The following ADAM22 variants were observed in gnomAD, a reference collection of about 807,000 sequenced individuals.
ADAM22 encodes disintegrin and metalloproteinase domain-containing protein 22.
In ADAM22, 65 loss-of-function variants were observed where a neutral mutation model predicts 144.6. The observed-to-expected ratio is 0.45, with a 90% CI of 0.37 to 0.55. The LOEUF (loss-of-function observed/expected upper bound fraction) is 0.55, where lower values mean the gene tolerates loss of function less well. Among genes scored for constraint, ADAM22 ranks in the 20% least tolerant of loss-of-function variants. The probability of loss-of-function intolerance (pLI) is 0.00; values close to 1 mark genes in which losing one functional copy is unlikely to be tolerated. For synonymous variants in ADAM22, 391 were observed against 412.6 expected (o/e 0.95, Z 0.63); for missense variants, 974 against 1,184.9 (o/e 0.82, Z 2.61).
intron 2 of ADAM22, among the ~76,000 whole-genome samples, chr7:87,952,499 A>C (rs887395431): frequency 6.6e-6 from 1 of 151,936 alleles, no homozygotes; most frequent in Non-Finnish European, 1.5e-5. Context: ...AGCCCACTTG[A>C]TCATGGTGGA....
intron 4 of ADAM22, among the ~76,000 whole-genome samples, chr7:88,080,018 C>G (rs1816025766): frequency 6.6e-6 from 1 of 152,228 alleles, no homozygotes. Context: ...CTACAGAACT[C>G]TCCACCTCAA....
rs1030975348 is a variant in ADAM22, at chr7:88,102,866, C to G, written c.391-5310C>G. The stretch of plus-strand genomic sequence containing the variant: ...TTATCTCATGGAATCTCCTGCATAT[C>G]CTTATGAAACAGCTGGAGTAGATGT... On this transcript the variant is annotated intron_variant, in intron 4 of 31. Transcript: ENST00000413139. 2.0e-5 allele frequency among the ~76,000 whole-genome samples: 3 copies of G among 152,234 alleles called. No homozygotes were observed. In the East Asian group the frequency reaches 5.8e-4, roughly 29 times the overall value.
intron 3 of ADAM22, among the ~76,000 whole-genome samples, chr7:88,062,205 G>A (rs970018646): frequency 6.6e-5 from 8 of 121,940 alleles, no homozygotes; most frequent in Admixed American, 2.7e-4. Context: ...AGTCCTAGAT[G>A]ACATCTTCTT....
chr7:88,193,150 A>C lies in ADAM22; in HGVS notation c.2785A>C (p.Thr929Pro). The change falls in exon 31 of 32, where the codon ACT becomes CCT. Residue 929 changes from threonine to proline, a missense_variant. By Grantham distance (38) the Thr-to-Pro change is conservative. Around this residue, in one of 2 missense-constraint regions of ADAM22, gnomAD observed 734 missense variants for 950.6 expected, o/e 0.77. Transcript: ENST00000413139. ...LSPAKSPSSS[T>P]GSIASSRKYP... Reference sequence around the variant, plus strand: ...TCCTGCCAAGTCTCCTTCTTCATCAACTGGGTCTATTGCCTCCAGCAGAAA... The same window carrying C: ...TCCTGCCAAGTCTCCTTCTTCATCACCTGGGTCTATTGCCTCCAGCAGAAA... The C allele has an allele frequency of 1.9e-6, 3 of 1,614,088 alleles. No homozygotes were observed. The highest frequency in any genetic ancestry group is 2.2e-5 in the South Asian group (2 of 91,080).
intron 3 of ADAM22, among the ~76,000 whole-genome samples, chr7:88,053,636 G>GAA (rs1491405528): frequency 7.2e-6 from 1 of 139,506 alleles, no homozygotes; most frequent in African/African-American, 2.7e-5. Flanking sequence ...AAGAAAGAAA[G>GAA]AAAGAAAGAA....
At chr7:88,148,190 C>T (rs1176460620) in intron 17 of ADAM22, among the ~76,000 whole-genome samples, 1 of 152,046 alleles carries the variant, frequency 6.6e-6, no homozygotes, top group East Asian at 1.9e-4. Flanking sequence ...TAACATGTGC[C>T]TTTGTGTGAG....
chr7:87,985,105 A>G (rs1219175457), intron 3 of ADAM22, among the ~76,000 whole-genome samples: 2 of 150,774 alleles, frequency 1.3e-5, no homozygotes, highest in Non-Finnish European at 3.0e-5. Context: ...CAAGGTCAGG[A>G]GATTGAGACT....
intron 3 of ADAM22, among the ~76,000 whole-genome samples, chr7:88,038,946 A>G (rs1403396294): frequency 6.6e-6 from 1 of 151,356 alleles, no homozygotes; most frequent in Non-Finnish European, 1.5e-5. Context: ...ATGCCTGGCT[A>G]ATTTTTTAGT....
rs1831028182 is a variant in ADAM22, at chr7:88,128,645, T to C, written c.722T>C (p.Ile241Thr). The C allele has an allele frequency of 6.2e-7, 1 of 1,611,972 alleles. No individual in the cohort carries two copies. Among genetic ancestry groups the C allele is most frequent in the Non-Finnish European group, 8.5e-7 (1 of 1,178,460 alleles). Reference sequence around the variant, plus strand: ...AATGTAGAAGAAGAAACCAAATACATTGAACTGATGATTGTGAATGATCAC... The same window carrying C: ...AATGTAGAAGAAGAAACCAAATACACTGAACTGATGATTGTGAATGATCAC... The part of the protein sequence containing the change: ...PRNVEEETKY[I>T]ELMIVNDHLM... Residue 241 changes from isoleucine to threonine, a missense_variant, in exon 9 of 32, where the codon ATT becomes ACT. Coordinates refer to ENST00000413139, the MANE Select transcript of ADAM22 (RefSeq NM_001324418.2).
At chr7:88,046,569 G>C (rs919208687) in intron 3 of ADAM22, among the ~76,000 whole-genome samples, 1 of 151,994 alleles carries the variant, frequency 6.6e-6, no homozygotes. Context: ...TTGTAGTTTG[G>C]TATTATGCTA....
At chr7:87,965,323 C>G (rs1262576490) in intron 2 of ADAM22, among the ~76,000 whole-genome samples, 1 of 152,120 alleles carries the variant, frequency 6.6e-6, no homozygotes, top group African/African-American at 2.4e-5. Context: ...GTACTTTGCT[C>G]TTAGAGTATT....
At chr7:88,084,878 T>G (rs1817988592) in intron 4 of ADAM22, among the ~76,000 whole-genome samples, 1 of 152,194 alleles carries the variant, frequency 6.6e-6, no homozygotes, top group Non-Finnish European at 1.5e-5. Context: ...ATCAAGATGT[T>G]GACAGGGTTG....
chr7:87,974,004 G>A (rs1851223355), intron 2 of ADAM22, among the ~76,000 whole-genome samples: 1 of 151,780 alleles, frequency 6.6e-6, no homozygotes, highest in Non-Finnish European at 1.5e-5. Flanking sequence ...GAGTTAATGG[G>A]TGCAGCACAC....
At chr7:88,173,878 T>A (rs1244695936) in intron 26 of ADAM22, among the ~76,000 whole-genome samples, 1 of 152,116 alleles carries the variant, frequency 6.6e-6, no homozygotes, top group Non-Finnish European at 1.5e-5. Context: ...AAGACTGTAT[T>A]TCTCTGATCT....
Position 87,938,207 on chromosome 7 carries a change from ATTTTTTTTT to A in ADAM22, c.246+3040_246+3048del, listed in dbSNP as rs59698275. Reference sequence around the variant, plus strand: ...GCATTTTAATTTTAGATACCCATAGATTTTTTTTTTTTTTTTTTTTTTTTTTTGTGAGAT... The same window carrying A: ...GCATTTTAATTTTAGATACCCATAGATTTTTTTTTTTTTTTTTTGTGAGAT... On this transcript the variant is annotated intron_variant, in intron 2 of 31. Transcript: ENST00000413139. Among the ~76,000 whole-genome samples, 395 of 75,582 alleles carry A rather than the reference ATTTTTTTTT, an allele frequency of 5.2e-3. 1 individual carries two copies. The highest frequency in any genetic ancestry group is 0.022 in the African/African-American group (374 of 17,326). 49.6% of individuals were successfully genotyped at this position (75,582 alleles called of 152,430 possible).
intron 3 of ADAM22, among the ~76,000 whole-genome samples, chr7:88,067,506 A>T (rs777327591): frequency 6.6e-6 from 1 of 151,926 alleles, no homozygotes; most frequent in Admixed American, 6.6e-5. Context: ...TTTTACTAGC[A>T]TATTTGTAGA....
intron 18 of ADAM22, among the ~76,000 whole-genome samples, chr7:88,149,932 C>T (rs1563331286): frequency 6.6e-6 from 1 of 152,196 alleles, no homozygotes; most frequent in Non-Finnish European, 1.5e-5. Flanking sequence ...CCTTGTTGAA[C>T]TGTCACACCC....
intron 1 of ADAM22, 21 bp downstream of exon 1, chr7:87,934,571 G>T: frequency 6.3e-7 from 1 of 1,596,772 alleles, no homozygotes; most frequent in East Asian, 2.3e-5. Flanking sequence ...CGTCCTCTGT[G>T]CCTTTGGGCC....
chr7:88,179,281 A>C (rs1246924642), intron 27 of ADAM22, among the ~76,000 whole-genome samples, 152 bp downstream of exon 27: 3 of 152,082 alleles, frequency 2.0e-5, no homozygotes, highest in Non-Finnish European at 4.4e-5. Flanking sequence ...AATAACTCTG[A>C]ATCTATATAG....
Sources: allele counts gnomAD v4.1 joint callset (sites outside exome capture counted in the v4.1 genomes callset), GRCh38; gene constraint gnomAD v4.1.1; regional missense constraint gnomAD v4.1.1; transcripts MANE v1.5; gene names NCBI Gene and HGNC (gene_info 2026-07-23, HGNC 2026-07-21).